Variants in EDIL3 observed in about 807,000 individuals in gnomAD.
The protein encoded by EDIL3 is EGF like and discoidin domains 3.
Under a neutral mutation model 67.4 loss-of-function variants are expected in EDIL3, and 37 were observed. The ratio of observed to expected loss-of-function variants is 0.55; its 90% CI spans 0.42 to 0.72. The LOEUF (loss-of-function observed/expected upper bound fraction) is 0.72, where lower values mean the gene tolerates loss of function less well. Ranked by LOEUF, EDIL3 falls within the 30% of genes least tolerant of loss-of-function variation. The pLI is 0.00. For synonymous variants in EDIL3, 195 were observed against 196.3 expected (o/e 0.99, Z 0.05); for missense variants, 527 against 586.3 (o/e 0.90, Z 1.04).
intron 10 of EDIL3, among the ~76,000 whole-genome samples, chr5:83,959,188 T>G (rs1265252942): frequency 6.7e-6 from 1 of 148,598 alleles, no homozygotes; most frequent in Non-Finnish European, 1.5e-5. Flanking sequence ...CCTGTGTGTG[T>G]GTGGGTGTGT....
intron 9 of EDIL3, among the ~76,000 whole-genome samples, chr5:84,048,767 T>C (rs569814920): frequency 6.6e-6 from 1 of 152,216 alleles, no homozygotes; most frequent in Admixed American, 6.5e-5. Flanking sequence ...GTATTCATTA[T>C]AACAAAATTT....
chr5:84,058,426 G>A (rs577802317), intron 9 of EDIL3, among the ~76,000 whole-genome samples: 4 of 152,122 alleles, frequency 2.6e-5, no homozygotes, highest in African/African-American at 4.8e-5. Context: ...AACTAGAAAC[G>A]GAAAAGCTGG....
chr5:84,293,994 T>C (rs1236558636), intron 1 of EDIL3, among the ~76,000 whole-genome samples: 1 of 151,992 alleles, frequency 6.6e-6, no homozygotes, highest in East Asian at 1.9e-4. Flanking sequence ...ATAAAATACA[T>C]GAAGTATGGC....
At chr5:84,366,206 T>C (rs1440475175) in intron 1 of EDIL3, among the ~76,000 whole-genome samples, 7 of 152,188 alleles carry the variant, frequency 4.6e-5, no homozygotes, top group Non-Finnish European at 1.0e-4. Context: ...GTACCAAGTA[T>C]TGTGCTACAG....
At chr5:84,283,096 G>T (rs941423056) in intron 1 of EDIL3, among the ~76,000 whole-genome samples, 2 of 151,652 alleles carry the variant, frequency 1.3e-5, no homozygotes, top group Non-Finnish European at 2.9e-5. Flanking sequence ...AGTTTATATT[G>T]GGCTGATGTG....
intron 2 of EDIL3, among the ~76,000 whole-genome samples, chr5:84,244,294 G>A (rs1247794209): frequency 6.6e-6 from 1 of 152,006 alleles, no homozygotes; most frequent in Non-Finnish European, 1.5e-5. Flanking sequence ...TACTTATTTA[G>A]TTAGTTTGAA....
rs532153052 is a variant in EDIL3, at chr5:84,253,593, G to C, written c.196+491C>G. On this transcript the variant is annotated intron_variant, in intron 2 of 10. Coordinates refer to ENST00000296591, the MANE Select transcript of EDIL3 (RefSeq NM_005711.5). ...CAAATTTTTTAGAAAACTTTGAAGA[G>C]CACTGCATCTGGAATATCCTCTTCT... Among the ~76,000 whole-genome samples the C allele has an allele frequency of 2.0e-5, 3 of 152,196 alleles. No individual in the cohort carries two copies. In the East Asian group the frequency reaches 5.8e-4, roughly 29 times the overall value.
At chr5:83,957,519 G>A (rs1486700435) in intron 10 of EDIL3, among the ~76,000 whole-genome samples, 1 of 151,728 alleles carries the variant, frequency 6.6e-6, no homozygotes, top group East Asian at 1.9e-4. Flanking sequence ...GATGCTCTGT[G>A]ACATCTGTAA....
At chr5:84,022,343 A>G (rs1364445837) in intron 9 of EDIL3, among the ~76,000 whole-genome samples, 9 of 152,028 alleles carry the variant, frequency 5.9e-5, no homozygotes, top group Admixed American at 5.9e-4. Flanking sequence ...AGATGCAGAG[A>G]AAGTATTTGA....
At chr5:84,118,417 A>G (rs1259265663) in intron 5 of EDIL3, among the ~76,000 whole-genome samples, 2 of 152,204 alleles carry the variant, frequency 1.3e-5, no homozygotes, top group Non-Finnish European at 2.9e-5. Context: ...AGATCATACA[A>G]TTTACAAATG....
chr5:84,257,093 A>G (rs1165164846), intron 1 of EDIL3, among the ~76,000 whole-genome samples: 1 of 152,202 alleles, frequency 6.6e-6, no homozygotes, highest in African/African-American at 2.4e-5. Flanking sequence ...TAACTGAGGT[A>G]GGCCTACAGT....
At chr5:83,973,976 C>A (rs1439194469) in intron 9 of EDIL3, among the ~76,000 whole-genome samples, 1 of 151,974 alleles carries the variant, frequency 6.6e-6, no homozygotes, top group African/African-American at 2.4e-5. Flanking sequence ...ACTGACAGAA[C>A]ACACAATGTA....
At position 84,265,093 on chromosome 5, in the gene EDIL3, T is replaced by C. The variant is rs144317834; in HGVS notation, c.68-10881A>G. 7.3e-4 allele frequency among the ~76,000 whole-genome samples: 111 copies of C among 152,344 alleles called. 1 individual carries two copies. The highest frequency in any genetic ancestry group is 6.8e-3 in the Middle Eastern group (2 of 294). On this transcript the variant is annotated intron_variant, in intron 1 of 10. Coordinates refer to ENST00000296591, the MANE Select transcript of EDIL3 (RefSeq NM_005711.5). ...TGCTAATCACTAGATAAAACTGTTATATCAATTTTTCAGGCAGAAAGGTAT... is the reference window on the plus strand; with the variant it reads ...TGCTAATCACTAGATAAAACTGTTACATCAATTTTTCAGGCAGAAAGGTAT...
intron 6 of EDIL3, among the ~76,000 whole-genome samples, chr5:84,097,597 A>G (rs1332943304): frequency 1.3e-5 from 2 of 152,132 alleles, no homozygotes; most frequent in African/African-American, 4.8e-5. Context: ...AGCATCCTGA[A>G]AGTAGGTGTT....
chr5:84,119,888 CT>C (rs143280170), intron 5 of EDIL3, among the ~76,000 whole-genome samples: 1 of 151,490 alleles, frequency 6.6e-6, no homozygotes, highest in African/African-American at 2.4e-5. Context: ...TCAGCATATC[CT>C]TTTTTTTGTT....
At chr5:84,329,070 T>C (rs1746821595) in intron 1 of EDIL3, among the ~76,000 whole-genome samples, 1 of 152,124 alleles carries the variant, frequency 6.6e-6, no homozygotes, top group Non-Finnish European at 1.5e-5. Flanking sequence ...TTTATAAATT[T>C]ATTTCTTATA....
chr5:84,322,451 C>A (rs184775895), intron 1 of EDIL3, among the ~76,000 whole-genome samples: 262 of 152,022 alleles, frequency 1.7e-3, no homozygotes, highest in African/African-American at 6.0e-3. Context: ...TTAGAAGTAT[C>A]CAATGGCAGA....
chr5:84,026,749 T>C (rs575960412), intron 9 of EDIL3, among the ~76,000 whole-genome samples: 3 of 152,316 alleles, frequency 2.0e-5, no homozygotes, highest in Non-Finnish European at 4.4e-5. Flanking sequence ...ACTATTTTGA[T>C]ACATCATCTA....
intron 1 of EDIL3, among the ~76,000 whole-genome samples, chr5:84,344,082 G>A (rs899183468): frequency 6.6e-6 from 1 of 152,064 alleles, no homozygotes; most frequent in Non-Finnish European, 1.5e-5. Context: ...CACAGTCGAT[G>A]GTAGCAGAGG....
Sources: allele counts gnomAD v4.1 joint callset (sites outside exome capture counted in the v4.1 genomes callset), GRCh38; gene constraint gnomAD v4.1.1; transcripts MANE v1.5; gene names NCBI Gene and HGNC (gene_info 2026-07-23, HGNC 2026-07-21).